LRMDA: variants seen among roughly 807,000 people sequenced by gnomAD.
The protein encoded by LRMDA is leucine rich melanocyte differentiation associated, also known as leucine-rich melanocyte differentiation-associated protein.
LRMDA carries 18 observed loss-of-function variants against 29.8 expected under a neutral mutation model. The observed-to-expected ratio is 0.60, with a 90% confidence interval of 0.42 to 0.90. The LOEUF is 0.90. LRMDA is among the 40% of genes least tolerant of loss of function. The probability of loss-of-function intolerance (pLI) is 0.00; values close to 1 mark genes in which losing one functional copy is unlikely to be tolerated. For missense variants in LRMDA, 273 were observed against 273.9 expected, an observed-to-expected ratio of 1.00 and a Z score of 0.02; for synonymous variants, 125 against 109.4, an observed-to-expected ratio of 1.14 and a Z score of -0.89.
chr10:76,505,468 T>A (rs899029321), intron 6 of LRMDA, among the ~76,000 whole-genome samples: 10 of 152,066 alleles, frequency 6.6e-5, no homozygotes, highest in South Asian at 2.1e-4. Flanking sequence ...TTAAAAATTA[T>A]TTTTTAAAAA....
intron 6 of LRMDA, among the ~76,000 whole-genome samples, chr10:76,533,959 C>G (rs1252006270): frequency 3.9e-5 from 6 of 152,176 alleles, no homozygotes; most frequent in Non-Finnish European, 2.9e-5. Context: ...GATCAGACTT[C>G]TTGTTCTCAT....
chr10:76,007,382 T>G (rs1266400564), intron 2 of LRMDA, among the ~76,000 whole-genome samples: 1 of 152,140 alleles, frequency 6.6e-6, no homozygotes, highest in Admixed American at 6.5e-5. Context: ...AACTTCACTC[T>G]GGCACAATTT....
intron 2 of LRMDA, among the ~76,000 whole-genome samples, chr10:75,568,714 G>T (rs915339507): frequency 6.6e-6 from 1 of 152,172 alleles, no homozygotes; most frequent in Non-Finnish European, 1.5e-5. Flanking sequence ...CCCCAGCTGG[G>T]TTTCTCCCAG....
In LRMDA at chr10:76,172,081, C is replaced by T. The variant is rs570704544; in HGVS notation, c.516+113298C>T. 6.6e-5 allele frequency among the ~76,000 whole-genome samples: 10 copies of T among 152,214 alleles called. No individual in the cohort carries two copies. In the South Asian group the frequency reaches 1.2e-3, roughly 19 times the overall value. ...ACCCCAGACTCTTTCTAGCAACCCACGGCTCTCAAGGGGACTAATCTCTTC... is the reference window on the plus strand; with the variant it reads ...ACCCCAGACTCTTTCTAGCAACCCATGGCTCTCAAGGGGACTAATCTCTTC... On this transcript the variant is annotated intron_variant, in intron 5 of 6. Coordinates refer to ENST00000611255, the MANE Select transcript of LRMDA (RefSeq NM_001305581.2).
chr10:75,827,900 T>C (rs1844274003), intron 2 of LRMDA, among the ~76,000 whole-genome samples: 1 of 152,210 alleles, frequency 6.6e-6, no homozygotes, highest in South Asian at 2.1e-4. Context: ...GGGGCCTTAA[T>C]TCCAGGATGA....
At chr10:76,429,041 A>ACAC (rs1554820441) in intron 6 of LRMDA, among the ~76,000 whole-genome samples, 3 of 64,034 alleles carry the variant, frequency 4.7e-5, no homozygotes, top group Non-Finnish European at 1.1e-4. Flanking sequence ...CACACACACA[A>ACAC]ACACACACAC....
At chr10:75,660,073 C>A (rs1291891240) in intron 2 of LRMDA, among the ~76,000 whole-genome samples, 1 of 151,378 alleles carries the variant, frequency 6.6e-6, no homozygotes, top group Non-Finnish European at 1.5e-5. Context: ...CTTTCTCCCT[C>A]TCTCTCTCTC....
intron 5 of LRMDA, among the ~76,000 whole-genome samples, chr10:76,182,154 T>A (rs950511091): frequency 1.3e-5 from 2 of 152,098 alleles, no homozygotes; most frequent in Non-Finnish European, 2.9e-5. Flanking sequence ...GACTCACAGT[T>A]CCATGTGGCT....
At chr10:75,570,421 ATTCTT>A (rs1410147686) in intron 2 of LRMDA, among the ~76,000 whole-genome samples, 43 of 152,190 alleles carry the variant, frequency 2.8e-4, no homozygotes, top group African/African-American at 1.0e-3. Context: ...TGAGATTCAT[ATTCTT>A]TTCTTTTTCT....
At chr10:75,953,456 C>T (rs530415594) in intron 2 of LRMDA, among the ~76,000 whole-genome samples, 51 of 152,262 alleles carry the variant, frequency 3.3e-4, no homozygotes, top group Non-Finnish European at 6.0e-4. Context: ...TACCAGCTTC[C>T]TGTTCAGATA....
At chr10:76,036,428 A>G (rs1038723104) in intron 3 of LRMDA, among the ~76,000 whole-genome samples, 3 of 152,194 alleles carry the variant, frequency 2.0e-5, no homozygotes, top group African/African-American at 4.8e-5. Flanking sequence ...TTTTTAATAG[A>G]TAAAAATAGA....
chr10:75,471,861 A>ATAT (rs1554892526), intron 2 of LRMDA, among the ~76,000 whole-genome samples: 1 of 151,520 alleles, frequency 6.6e-6, no homozygotes, highest in African/African-American at 2.4e-5. Context: ...GAGGGTCTCC[A>ATAT]TGTTTGGGGA....
intron 2 of LRMDA, among the ~76,000 whole-genome samples, chr10:75,523,340 T>C (rs754351589): frequency 5.3e-5 from 8 of 152,094 alleles, no homozygotes; most frequent in Non-Finnish European, 1.2e-4. Flanking sequence ...TGGTGGCTTA[T>C]GTGGGGGTTG....
At chr10:75,788,008 G>A (rs551105347) in intron 2 of LRMDA, among the ~76,000 whole-genome samples, 43 of 151,024 alleles carry the variant, frequency 2.8e-4, no homozygotes, top group African/African-American at 7.8e-4. Context: ...CAGCCTGGGC[G>A]ACAGAGTGAG....
At chr10:75,947,822 A>G (rs1033819670) in intron 2 of LRMDA, among the ~76,000 whole-genome samples, 1 of 152,132 alleles carries the variant, frequency 6.6e-6, no homozygotes, top group Non-Finnish European at 1.5e-5. Flanking sequence ...AGCACTTTGC[A>G]CCAATTCATA....
chr10:76,121,897 A>T (rs1849796348), intron 5 of LRMDA, among the ~76,000 whole-genome samples: 1 of 152,196 alleles, frequency 6.6e-6, no homozygotes, highest in Non-Finnish European at 1.5e-5. Context: ...ACAAACATTT[A>T]TAAAGACCTG....
chr10:75,615,655 G>A (rs887840948), intron 2 of LRMDA, among the ~76,000 whole-genome samples: 1 of 152,162 alleles, frequency 6.6e-6, no homozygotes, highest in Non-Finnish European at 1.5e-5. Flanking sequence ...ATATGGCTGT[G>A]ATATGCTATT....
chr10:76,392,896 G>C (rs947567069), intron 6 of LRMDA, among the ~76,000 whole-genome samples: 2 of 151,972 alleles, frequency 1.3e-5, no homozygotes, highest in Admixed American at 6.6e-5. Context: ...GCTTCAATGA[G>C]TTTAACTTTT....
chr10:76,346,570 TA>T, intron 6 of LRMDA: 1 of 152,318 alleles, frequency 6.6e-6, no homozygotes, highest in South Asian at 2.1e-4. Flanking sequence ...GCATATATTG[TA>T]TGGCTTATAA....
Sources: gnomAD v4.1 joint callset for allele counts (sites outside exome capture counted in the v4.1 genomes callset) on GRCh38, gnomAD v4.1.1 for gene constraint, MANE v1.5 for transcripts, NCBI Gene and HGNC (gene_info 2026-07-23, HGNC 2026-07-21) for gene names.